The following RANBP3 variants were observed in gnomAD, a reference collection of about 807,000 sequenced individuals.
RANBP3 encodes the protein ran-binding protein 3.
Under a neutral mutation model 77.3 loss-of-function variants are expected in RANBP3, and 14 were observed. The observed-to-expected ratio is 0.18, with a 90% confidence interval of 0.12 to 0.28. The LOEUF (loss-of-function observed/expected upper bound fraction) is 0.28. Ranked by LOEUF, RANBP3 falls within the 10% of genes least tolerant of loss-of-function variation. The pLI is 1.00. For missense variants in RANBP3, 586 were observed against 752.3 expected (o/e 0.78, Z 2.59); for synonymous variants, 315 against 312.4 (o/e 1.01, Z -0.09).
chr19:5,962,314 G>C (rs2058413765), intron 1 of RANBP3, among the ~76,000 whole-genome samples: 1 of 152,184 alleles, frequency 6.6e-6, no homozygotes, highest in Non-Finnish European at 1.5e-5. Flanking sequence ...TGAAAGGGAG[G>C]GGCGTGTTTG....
At chr19:5,955,798 A>G (rs1277252259) in intron 2 of RANBP3, among the ~76,000 whole-genome samples, 1 of 152,234 alleles carries the variant, frequency 6.6e-6, no homozygotes, top group African/African-American at 2.4e-5. Flanking sequence ...GCCACAGGCA[A>G]CCGCAAAGGG....
intron 5 of RANBP3, among the ~76,000 whole-genome samples, chr19:5,935,489 G>A (rs2058051901): frequency 6.6e-6 from 1 of 152,272 alleles, no homozygotes; most frequent in Non-Finnish European, 1.5e-5. Flanking sequence ...ATTTTTAAAA[G>A]GTCAAATTCA....
chr19:5,951,749 G>C (rs2058279560), intron 2 of RANBP3, among the ~76,000 whole-genome samples, 153 bp from the exon 3 acceptor site: 2 of 152,220 alleles, frequency 1.3e-5, no homozygotes, highest in South Asian at 4.1e-4. Context: ...CCTGCTTCTG[G>C]GTTCTGCTCA....
chr19:5,964,867 CA>C (rs2058447664), intron 1 of RANBP3, among the ~76,000 whole-genome samples: 1 of 42,400 alleles, frequency 2.4e-5, no homozygotes, highest in Non-Finnish European at 5.7e-5. Context: ...GGGGGGGTGG[CA>C]CGGTGGGGGG....
intron 1 of RANBP3, among the ~76,000 whole-genome samples, chr19:5,961,025 C>A (rs1599784653): frequency 6.6e-6 from 1 of 152,220 alleles, no homozygotes; most frequent in East Asian, 1.9e-4. Flanking sequence ...TGCCTCCCAT[C>A]TCTTGTTCCT....
chr19:5,951,717 A>G (rs1599769533), intron 2 of RANBP3, 121 bp from the exon 3 acceptor site: 6 of 900,502 alleles, frequency 6.7e-6, no homozygotes, highest in Non-Finnish European at 1.0e-5. Flanking sequence ...TGCGCCTGGG[A>G]GGAAGATGGG....
Position 5,924,840 on chromosome 19 carries a change from C to T in RANBP3, c.983G>A (p.Ser328Asn), listed in dbSNP as rs1339063474. 2.5e-6 allele frequency: 4 copies of T among 1,614,164 alleles called. No homozygotes were observed. The highest frequency in any genetic ancestry group is 2.5e-6 in the Non-Finnish European group (3 of 1,179,954). Residue 328 changes from serine (S) to asparagine (N), a missense_variant, in exon 11 of 17, where the codon AGC becomes AAC. Around this residue, in one of 5 missense-constraint regions of RANBP3, gnomAD observed 232 missense variants for 271.7 expected, o/e 0.85. Transcript: ENST00000340578. This position sits in a 1 kb window ranked among gnomAD's most constrained non-coding sequence, Gnocchi z 4.7. ...SNKFVFGQNMSERVLSPPKLN... is the reference protein window; with the variant it reads ...SNKFVFGQNMNERVLSPPKLN... ...ACAGCCACTCACCAAAACTCGCTCG[C>T]TCATGTTCTGGCCAAATACAAATTT...
chr19:5,956,789 A>G (rs2058339885), intron 2 of RANBP3, among the ~76,000 whole-genome samples: 1 of 152,258 alleles, frequency 6.6e-6, no homozygotes. Flanking sequence ...TGAGTCCCAG[A>G]TCATGAGAGC....
chr19:5,917,157 A>C lies in RANBP3; in HGVS notation c.*453T>G. ...CAAGCTGGGCGGGGGTCCCAGGCCTATAGTTGGGGAGCCCTGGGCAGGGGC... is the reference window on the plus strand; with the variant it reads ...CAAGCTGGGCGGGGGTCCCAGGCCTCTAGTTGGGGAGCCCTGGGCAGGGGC... On this transcript the variant is annotated 3_prime_UTR_variant, in exon 17 of 17. Transcript: ENST00000340578. 1 of 216,194 alleles carries C rather than the reference A, an allele frequency of 4.6e-6. No homozygotes were observed. The allele number at this position is 216,194 out of a possible 1,614,324, so 13.4% of individuals were successfully genotyped here.
chr19:5,962,299 C>G (rs1320868289), intron 1 of RANBP3, among the ~76,000 whole-genome samples: 2 of 152,178 alleles, frequency 1.3e-5, no homozygotes, highest in African/African-American at 4.8e-5. Context: ...GAGAAAACAT[C>G]TGACTGAAAG....
chr19:5,977,362 G>A (rs1277178044), intron 1 of RANBP3, among the ~76,000 whole-genome samples: 1 of 152,188 alleles, frequency 6.6e-6, no homozygotes, highest in Non-Finnish European at 1.5e-5. Flanking sequence ...GCGCTCCACA[G>A]AGGAGGGACT....
intron 6 of RANBP3, 92 bp downstream of exon 6, chr19:5,933,322 C>G: frequency 1.0e-6 from 1 of 1,004,628 alleles, no homozygotes; most frequent in Non-Finnish European, 1.5e-6. Flanking sequence ...TTCTAGAAAG[C>G]AGGCTGAGCC....
Position 5,958,020 on chromosome 19 carries a change from A to G in RANBP3, c.23-47T>C. 6.6e-7 allele frequency: 1 copy of G among 1,522,798 alleles called. No individual in the cohort carries two copies. The highest frequency in any genetic ancestry group is 1.1e-5 in the South Asian group (1 of 88,800). The allele number at this position is 1,522,798 out of a possible 1,614,324, so 94.3% of individuals were successfully genotyped here. ...TTTTTCCCCCCAACACTATATGCAT[A>G]CAGTAAACAAAGCTACACTTGTTTG... On this transcript the variant is annotated intron_variant, in intron 1 of 16. Transcript: ENST00000340578. This position sits in a 1 kb window ranked among gnomAD's most constrained non-coding sequence, Gnocchi z 4.4.
chr19:5,977,657 G>C (rs1289758071), intron 1 of RANBP3, among the ~76,000 whole-genome samples: 1 of 152,046 alleles, frequency 6.6e-6, no homozygotes, highest in Non-Finnish European at 1.5e-5. Context: ...CCGGGTGGCG[G>C]AGGACGAGGG....
rs754005404 is a variant in RANBP3, at chr19:5,957,992, G to GT, written c.23-20dup. ...GGCTTTTCTGCAAAAAGAAAAATTA[G>GT]TTTTTTTCCCCCCAACACTATATGC... On this transcript the variant is annotated intron_variant, in intron 1 of 16. Transcript: ENST00000340578. The GT allele has an allele frequency of 1.2e-6, 2 of 1,613,714 alleles. No individual in the cohort carries two copies. Among genetic ancestry groups the GT allele is most frequent in the Non-Finnish European group, 1.7e-6 (2 of 1,179,676 alleles).
Position 5,951,375 on chromosome 19 carries a change from G to A in RANBP3, c.282+18C>T, listed in dbSNP as rs1223547082. ...GCTCCCCCTGGGCGGTAGGAGTGCC[G>A]GGTAGGTGTGGACTTACCCCTGCCA... On this transcript the variant is annotated intron_variant, in intron 3 of 16. Coordinates refer to ENST00000340578, the MANE Select transcript of RANBP3 (RefSeq NM_007322.3). 23 of 1,546,956 alleles carry A rather than the reference G, an allele frequency of 1.5e-5. No homozygotes were observed. The highest frequency in any genetic ancestry group is 5.9e-5 in the Admixed American group (3 of 50,998).
rs913719857 is a variant in RANBP3 at position 5,935,224 on chromosome 19, C to T, written c.407-1745G>A. Among the ~76,000 whole-genome samples, 3 of 152,214 alleles carry T rather than the reference C, an allele frequency of 2.0e-5. No homozygotes were observed. The South Asian group carries it at 6.2e-4, about 31-fold the overall frequency. On this transcript the variant is annotated intron_variant, in intron 5 of 16. Transcript: ENST00000340578. ...CCCCGGAGGCGCCGCTGTGCCTGGGCAGCAAGAGGATTGCAGCAACCCTTC... is the reference window on the plus strand; with the variant it reads ...CCCCGGAGGCGCCGCTGTGCCTGGGTAGCAAGAGGATTGCAGCAACCCTTC...
chr19:5,960,755 C>A (rs2058389894), intron 1 of RANBP3, among the ~76,000 whole-genome samples: 1 of 152,174 alleles, frequency 6.6e-6, no homozygotes, highest in African/African-American at 2.4e-5. Flanking sequence ...GAAGGGACTG[C>A]AGCTATTTGA....
Position 5,978,077 on chromosome 19 carries a change from C to A in RANBP3, c.6G>T (p.Ala2=), listed in dbSNP as rs773112941. 3.1e-6 allele frequency: 5 copies of A among 1,610,946 alleles called. No individual in the cohort carries two copies. The South Asian group carries it at 3.3e-5, about 11-fold the overall frequency. The change falls in exon 1 of 17, where the codon GCG becomes GCT. Residue 2 remains alanine, a synonymous_variant. Transcript: ENST00000340578. ...CTCCCCTACCTTCGTTCGCCAGGTC[C>A]GCCATTTTACTTCCTTAAGCCCTCC... M[A]DLANEEKPAI...
Sources: allele counts gnomAD v4.1 joint callset (sites outside exome capture counted in the v4.1 genomes callset), GRCh38; gene constraint gnomAD v4.1.1; regional missense constraint gnomAD v4.1.1; non-coding constraint Gnocchi (gnomAD v3.1); transcripts MANE v1.5; gene names NCBI Gene and HGNC (gene_info 2026-07-23, HGNC 2026-07-21).